FGGY: variants seen among roughly 807,000 people sequenced by gnomAD.
FGGY encodes the protein FGGY carbohydrate kinase domain-containing protein.
In FGGY, 72 loss-of-function variants were observed where a neutral mutation model predicts 71.3. The ratio of observed to expected loss-of-function variants is 1.01; its 90% CI spans 0.84 to 1.23. The LOEUF is 1.23. Ranked by LOEUF, FGGY falls within the 50% of genes most tolerant of loss-of-function variation. The probability of loss-of-function intolerance (pLI) is 0.00; values close to 1 mark genes in which losing one functional copy is unlikely to be tolerated. For missense variants in FGGY, 668 were observed against 682.3 expected (o/e 0.98, Z 0.23); for synonymous variants, 251 against 250.3 (o/e 1.00, Z -0.02).
chr1:59,347,070 G>A (rs940740473), intron 4 of FGGY, among the ~76,000 whole-genome samples: 8 of 142,250 alleles, frequency 5.6e-5, no homozygotes, highest in African/African-American at 2.2e-4. Flanking sequence ...ATGCCTTTAT[G>A]CCTTTTTTTT....
At chr1:59,347,357 T>G (rs1007813787) in intron 4 of FGGY, among the ~76,000 whole-genome samples, 5 of 151,732 alleles carry the variant, frequency 3.3e-5, no homozygotes, top group Non-Finnish European at 7.4e-5. Flanking sequence ...TTTGGTTTTT[T>G]GTCCTTGTGA....
At chr1:59,396,635 G>A (rs1284843319) in intron 5 of FGGY, among the ~76,000 whole-genome samples, 2 of 152,016 alleles carry the variant, frequency 1.3e-5, no homozygotes, top group Admixed American at 6.6e-5. Flanking sequence ...TTTACAAATG[G>A]TAGAAAAAAG....
chr1:59,744,675 C>T (rs115497804), intron 14 of FGGY, among the ~76,000 whole-genome samples: 1,968 of 152,334 alleles, frequency 0.013, 56 homozygotes, highest in African/African-American at 0.045. Flanking sequence ...CCTAAACTTG[C>T]TTTATACAGA....
chr1:59,511,533 GTTC>G (rs1201669429), intron 6 of FGGY, among the ~76,000 whole-genome samples: 2 of 152,148 alleles, frequency 1.3e-5, no homozygotes, highest in Non-Finnish European at 2.9e-5. Context: ...GGTTCTCTGG[GTTC>G]TTATCTTGTC....
At chr1:59,311,703 A>T (rs1189461320) in intron 1 of FGGY, among the ~76,000 whole-genome samples, 1 of 152,186 alleles carries the variant, frequency 6.6e-6, no homozygotes, top group Non-Finnish European at 1.5e-5. Context: ...CAATAAACAT[A>T]TGTGTGCATG....
At chr1:59,536,278 G>A (rs1007365482) in intron 7 of FGGY, among the ~76,000 whole-genome samples, 1 of 152,112 alleles carries the variant, frequency 6.6e-6, no homozygotes, top group African/African-American at 2.4e-5. Flanking sequence ...GACTAAACCA[G>A]GAAGAAGTTG....
At chr1:59,722,199 CT>C (rs1474714170) in intron 14 of FGGY, among the ~76,000 whole-genome samples, 1 of 147,516 alleles carries the variant, frequency 6.8e-6, no homozygotes, top group African/African-American at 2.5e-5. Context: ...GAGTTTTGGT[CT>C]TTTGGGAGAA....
At chr1:59,724,553 G>A (rs751714301) in intron 14 of FGGY, among the ~76,000 whole-genome samples, 2 of 150,942 alleles carry the variant, frequency 1.3e-5, no homozygotes, top group African/African-American at 2.4e-5. Flanking sequence ...ACTCCTTGAC[G>A]ATCACTGATC....
chr1:59,336,362 G>T (rs1482583855), intron 2 of FGGY, among the ~76,000 whole-genome samples: 2 of 151,888 alleles, frequency 1.3e-5, no homozygotes, highest in East Asian at 1.9e-4. Context: ...ATAAACTTAG[G>T]AATGCTAGTT....
intron 14 of FGGY, among the ~76,000 whole-genome samples, chr1:59,682,530 G>A (rs1276007796): frequency 6.6e-6 from 1 of 152,200 alleles, no homozygotes; most frequent in Non-Finnish European, 1.5e-5. Context: ...GTAGAGGCGA[G>A]GGAAAAGTGC....
chr1:59,487,927 C>G (rs565342314), intron 6 of FGGY, among the ~76,000 whole-genome samples: 1 of 151,102 alleles, frequency 6.6e-6, no homozygotes, highest in Non-Finnish European at 1.5e-5. Flanking sequence ...AAAGTAAAAA[C>G]AACTAAAGAA....
chr1:59,567,034 T>C (rs1470811465), intron 8 of FGGY, among the ~76,000 whole-genome samples: 1 of 152,138 alleles, frequency 6.6e-6, no homozygotes, highest in Non-Finnish European at 1.5e-5. Flanking sequence ...GATATATACA[T>C]GAGCATAAGG....
intron 14 of FGGY, among the ~76,000 whole-genome samples, chr1:59,709,083 C>T (rs528428098): frequency 3.9e-5 from 6 of 152,210 alleles, no homozygotes; most frequent in South Asian, 2.1e-4. Context: ...CACACGCGCG[C>T]GCGCATACAC....
intron 11 of FGGY, among the ~76,000 whole-genome samples, chr1:59,645,697 T>C (rs2097087752): frequency 6.6e-6 from 1 of 152,208 alleles, no homozygotes; most frequent in African/African-American, 2.4e-5. Context: ...TTGTGGTGTT[T>C]GGGATTTTTA....
intron 14 of FGGY, among the ~76,000 whole-genome samples, chr1:59,676,959 A>AT (rs568118795): frequency 1.3e-3 from 194 of 151,920 alleles, no homozygotes; most frequent in African/African-American, 4.4e-3. Context: ...TGTTTTATGT[A>AT]TTTTTTTTAA....
intron 8 of FGGY, among the ~76,000 whole-genome samples, chr1:59,590,421 C>T (rs1434075404): frequency 1.3e-5 from 2 of 152,158 alleles, no homozygotes; most frequent in Non-Finnish European, 2.9e-5. Flanking sequence ...AGAGGTTATC[C>T]TCCCTAACTC....
chr1:59,476,389 G>T (rs1024871066), intron 6 of FGGY, among the ~76,000 whole-genome samples: 15 of 152,216 alleles, frequency 9.9e-5, no homozygotes, highest in South Asian at 4.1e-4. Flanking sequence ...GAAAGGAGAG[G>T]TTAAGTAAGT....
chr1:59,383,209 C>T (rs551642856), intron 5 of FGGY, among the ~76,000 whole-genome samples: 1 of 152,088 alleles, frequency 6.6e-6, no homozygotes, highest in Admixed American at 6.6e-5. Flanking sequence ...AACATGTATC[C>T]CCAGGTCTTC....
At chr1:59,738,738 A>G (rs1416919491) in intron 14 of FGGY, among the ~76,000 whole-genome samples, 1 of 152,256 alleles carries the variant, frequency 6.6e-6, no homozygotes, top group Non-Finnish European at 1.5e-5. Context: ...ACATCTGTCC[A>G]GAGCTTTGTA....
Sources: gnomAD v4.1 joint callset for allele counts (sites outside exome capture counted in the v4.1 genomes callset) on GRCh38, gnomAD v4.1.1 for gene constraint, MANE v1.5 for transcripts, NCBI Gene and HGNC (gene_info 2026-07-23, HGNC 2026-07-21) for gene names.